The following POU2F1 variants were observed in gnomAD, a reference collection of about 807,000 sequenced individuals.
The protein encoded by POU2F1 is POU domain, class 2, transcription factor 1.
In POU2F1, 16 loss-of-function variants were observed where a neutral mutation model predicts 84.9. That is an observed-to-expected ratio of 0.19 (90% CI 0.13 to 0.29). The LOEUF is 0.29. POU2F1 is among the 10% of genes least tolerant of loss of function. The pLI is 1.00. For synonymous variants in POU2F1, 368 were observed against 368.3 expected (o/e 1.00, Z 0.01); for missense variants, 738 against 942.6 (o/e 0.78, Z 2.84).
At chr1:167,408,443 A>G (rs1649737635) in intron 13 of POU2F1, among the ~76,000 whole-genome samples, 1 of 152,232 alleles carries the variant, frequency 6.6e-6, no homozygotes, top group African/African-American at 2.4e-5. Context: ...AATATCCAAG[A>G]ACTGGAAACA....
intron 2 of POU2F1, among the ~76,000 whole-genome samples, chr1:167,353,712 T>A (rs1658741174): frequency 6.6e-6 from 1 of 152,200 alleles, no homozygotes; most frequent in South Asian, 2.1e-4. Flanking sequence ...TTGCACTTTT[T>A]TTTATTGTTG....
intron 1 of POU2F1, among the ~76,000 whole-genome samples, chr1:167,308,060 T>C (rs1267855855): frequency 6.6e-6 from 1 of 151,956 alleles, no homozygotes; most frequent in Non-Finnish European, 1.5e-5. Context: ...TGCAAAATTT[T>C]TATTTGTTTC....
intron 1 of POU2F1, among the ~76,000 whole-genome samples, chr1:167,280,460 G>A (rs954574252): frequency 6.6e-6 from 1 of 151,832 alleles, no homozygotes; most frequent in African/African-American, 2.4e-5. Context: ...AACATGTTAG[G>A]CTCTCAATAA....
chr1:167,246,744 A>G (rs138582680), intron 1 of POU2F1, among the ~76,000 whole-genome samples: 244 of 152,322 alleles, frequency 1.6e-3, no homozygotes, highest in Middle Eastern at 0.01. Flanking sequence ...AAGTTTGGAA[A>G]AAGCTATGAA....
At chr1:167,267,206 G>A (rs1344452668) in intron 1 of POU2F1, among the ~76,000 whole-genome samples, 1 of 151,570 alleles carries the variant, frequency 6.6e-6, no homozygotes, top group Admixed American at 6.6e-5. Context: ...ATGGGGTGGG[G>A]GGAAGGAAGC....
At chr1:167,264,181 G>A (rs1651776844) in intron 1 of POU2F1, among the ~76,000 whole-genome samples, 1 of 151,824 alleles carries the variant, frequency 6.6e-6, no homozygotes, top group Non-Finnish European at 1.5e-5. Context: ...AATTTATAGT[G>A]GTATGTCAGG....
intron 1 of POU2F1, among the ~76,000 whole-genome samples, chr1:167,243,639 C>T (rs1489030046): frequency 6.6e-6 from 1 of 152,114 alleles, no homozygotes; most frequent in African/African-American, 2.4e-5. Flanking sequence ...CCATGCCTGG[C>T]TAATTTTTGT....
At chr1:167,407,729 C>T (rs1405719131) in intron 13 of POU2F1, among the ~76,000 whole-genome samples, 3 of 152,130 alleles carry the variant, frequency 2.0e-5, no homozygotes, top group Non-Finnish European at 4.4e-5. Flanking sequence ...TAGATCCTTA[C>T]CTTACACCGT....
intron 1 of POU2F1, among the ~76,000 whole-genome samples, chr1:167,281,219 A>G (rs1424261414): frequency 6.6e-6 from 1 of 152,210 alleles, no homozygotes; most frequent in Non-Finnish European, 1.5e-5. Flanking sequence ...AAATATTTAA[A>G]GCGTCTTATT....
At chr1:167,314,751 G>T (rs570386830) in intron 1 of POU2F1, among the ~76,000 whole-genome samples, 1 of 152,154 alleles carries the variant, frequency 6.6e-6, no homozygotes, top group African/African-American at 2.4e-5. Flanking sequence ...TCCAGCCTGG[G>T]TGACAAAAGT....
At chr1:167,345,376 G>C (rs1472872227) in intron 2 of POU2F1, among the ~76,000 whole-genome samples, 1 of 152,146 alleles carries the variant, frequency 6.6e-6, no homozygotes, top group Non-Finnish European at 1.5e-5. Flanking sequence ...ATGTAAGAAA[G>C]CAGTCTAGAG....
chr1:167,383,008 C>T (rs1333410674), intron 7 of POU2F1, among the ~76,000 whole-genome samples: 1 of 152,134 alleles, frequency 6.6e-6, no homozygotes, highest in African/African-American at 2.4e-5. Context: ...AAGCTATTGC[C>T]TCAGATAATC....
At chr1:167,374,065 T>G in intron 5 of POU2F1, 43 bp from the exon 6 acceptor site, 2 of 1,603,014 alleles carry the variant, frequency 1.2e-6, no homozygotes, top group Non-Finnish European at 1.7e-6. Context: ...TAGGAGACTT[T>G]CTCCTTCAAC....
At chr1:167,347,346 A>G (rs1158679116) in intron 2 of POU2F1, among the ~76,000 whole-genome samples, 2 of 152,190 alleles carry the variant, frequency 1.3e-5, no homozygotes, top group Non-Finnish European at 2.9e-5. Flanking sequence ...AAAATTTCTC[A>G]GGCCCTTATT....
chr1:167,239,712 GT>G (rs2102366846), intron 1 of POU2F1, among the ~76,000 whole-genome samples: 1 of 152,286 alleles, frequency 6.6e-6, no homozygotes, highest in South Asian at 2.1e-4. Context: ...TAGAGTTTAG[GT>G]GCTTGGAATG....
intron 1 of POU2F1, among the ~76,000 whole-genome samples, chr1:167,233,720 T>C (rs889750502): frequency 1.3e-5 from 2 of 152,218 alleles, no homozygotes; most frequent in African/African-American, 4.8e-5. Flanking sequence ...AAGTTCAGCA[T>C]AGCTGGTTCA....
At chr1:167,269,976 A>G (rs1652253913) in intron 1 of POU2F1, among the ~76,000 whole-genome samples, 1 of 150,076 alleles carries the variant, frequency 6.7e-6, no homozygotes, top group Non-Finnish European at 1.5e-5. Flanking sequence ...TTTTTTTCTG[A>G]CGTTGAGCTA....
rs770080454 is a variant in POU2F1 at position 167,425,111 on chromosome 1, C to T, written c.*9301C>T. 1 of 152,030 alleles carries T rather than the reference C, an allele frequency of 6.6e-6. No homozygotes were observed. The highest frequency in any genetic ancestry group is 1.5e-5 in the Non-Finnish European group (1 of 68,004). 9.4% of individuals were successfully genotyped at this position (152,030 alleles called of 1,614,324 possible). A position where few individuals can be genotyped will look rare whatever the true frequency, so the allele number is the denominator to read the frequency against. On this transcript the variant is annotated 3_prime_UTR_variant, in exon 16 of 16. Transcript: ENST00000367866. ...GCTCTCTAGAAGCTGCATCCCCAGC[C>T]CTTTCACCTTTTCTTTGAATGTAGT...
chr1:167,299,334 AT>A (rs1654499461), intron 1 of POU2F1, among the ~76,000 whole-genome samples: 1 of 152,184 alleles, frequency 6.6e-6, no homozygotes, highest in Non-Finnish European at 1.5e-5. Context: ...TTTTAAAAAA[AT>A]CTTACAAGTA....
Sources: allele counts gnomAD v4.1 joint callset (sites outside exome capture counted in the v4.1 genomes callset), GRCh38; gene constraint gnomAD v4.1.1; transcripts MANE v1.5; gene names NCBI Gene and HGNC (gene_info 2026-07-23, HGNC 2026-07-21).